The following DIS3L2 variants were observed in gnomAD, a reference collection of about 807,000 sequenced individuals.
DIS3L2 encodes DIS3 like 3'-5' exoribonuclease 2, also known as DIS3-like exonuclease 2.
Under a neutral mutation model 97.5 loss-of-function variants are expected in DIS3L2, and 34 were observed. The ratio of observed to expected loss-of-function variants is 0.35; its 90% confidence interval spans 0.27 to 0.46. The LOEUF is 0.46. Among genes scored for constraint, DIS3L2 ranks in the 20% least tolerant of loss-of-function variants. The pLI is 1.00. For missense variants in DIS3L2, 1,038 were observed against 1,146.0 expected, an observed-to-expected ratio of 0.91 and a Z score of 1.36; for synonymous variants, 435 against 445.2, an observed-to-expected ratio of 0.98 and a Z score of 0.29.
intron 9 of DIS3L2, among the ~76,000 whole-genome samples, chr2:232,203,828 G>A (rs1034062602): frequency 6.6e-6 from 1 of 152,198 alleles, no homozygotes; most frequent in South Asian, 2.1e-4. Context: ...TTGCAGGCAG[G>A]CCTTTAACTG....
At chr2:232,232,969 G>C (rs72994297) in intron 10 of DIS3L2, among the ~76,000 whole-genome samples, 1,852 of 152,248 alleles carry the variant, frequency 0.012, 17 homozygotes, top group Non-Finnish European at 0.017. Flanking sequence ...CACCCAGAGT[G>C]GGGCCCAGAG....
chr2:232,036,139 T>C (rs1694943189), intron 5 of DIS3L2, among the ~76,000 whole-genome samples: 1 of 152,226 alleles, frequency 6.6e-6, no homozygotes, highest in South Asian at 2.1e-4. Flanking sequence ...ATTCTCCCTG[T>C]CACTTTCAGG....
intron 5 of DIS3L2, among the ~76,000 whole-genome samples, chr2:232,052,292 G>A (rs1695432986): frequency 6.6e-6 from 1 of 152,102 alleles, no homozygotes. Flanking sequence ...CCAAAATGTT[G>A]GGATTACAGG....
At chr2:232,275,518 T>G (rs1400501320) in intron 13 of DIS3L2, among the ~76,000 whole-genome samples, 1 of 152,176 alleles carries the variant, frequency 6.6e-6, no homozygotes, top group Non-Finnish European at 1.5e-5. Context: ...GTGGTACTGC[T>G]CTTCCTCAAG....
At chr2:232,208,636 C>T (rs1488669247) in intron 9 of DIS3L2, among the ~76,000 whole-genome samples, 1 of 152,148 alleles carries the variant, frequency 6.6e-6, no homozygotes, top group Non-Finnish European at 1.5e-5. Context: ...GAGATTCATC[C>T]AGGCTGTTGC....
intron 5 of DIS3L2, among the ~76,000 whole-genome samples, chr2:232,076,016 C>T (rs1574855084): frequency 1.3e-5 from 2 of 152,298 alleles, no homozygotes; most frequent in African/African-American, 4.8e-5. Flanking sequence ...AGCCATGACT[C>T]AAGCCAGTTG....
chr2:232,211,260 T>G (rs1010960533), intron 10 of DIS3L2, among the ~76,000 whole-genome samples: 2 of 151,498 alleles, frequency 1.3e-5, no homozygotes, highest in Non-Finnish European at 2.9e-5. Context: ...TCTTCCCACC[T>G]CAGCCTCTCA....
intron 6 of DIS3L2, among the ~76,000 whole-genome samples, chr2:232,116,962 A>G (rs979967280): frequency 6.6e-6 from 1 of 152,154 alleles, no homozygotes; most frequent in African/African-American, 2.4e-5. Context: ...CCCTTGAACA[A>G]AAGTTCAGCT....
rs371607011 is a variant in DIS3L2, at chr2:232,164,464, T to C, written c.1124+832T>C. Among the ~76,000 whole-genome samples, 2 of 152,210 alleles carry C rather than the reference T, an allele frequency of 1.3e-5. 1 individual carries two copies. The highest frequency in any genetic ancestry group is 4.1e-4 in the South Asian group (2 of 4,828). On this transcript the variant is annotated intron_variant, in intron 9 of 20. Transcript: ENST00000325385. ...AACTTTTCATACAACCCACTGAGGC[T>C]GTGGAAGGTTTTTGCTAAGGTCATC...
rs182176681 is a variant in DIS3L2, at chr2:232,309,680, C to A, written c.1739+9561C>A. On this transcript the variant is annotated intron_variant, in intron 14 of 20. Coordinates refer to ENST00000325385, the MANE Select transcript of DIS3L2 (RefSeq NM_152383.5). ...TTAAGGTTCACTGACGGAAAGTCCTCAAGCCAAAGCCAAAGCCAAAGCCAA... is the reference window on the plus strand; with the variant it reads ...TTAAGGTTCACTGACGGAAAGTCCTAAAGCCAAAGCCAAAGCCAAAGCCAA... Among the ~76,000 whole-genome samples the A allele has an allele frequency of 7.2e-5, 11 of 152,276 alleles. No homozygotes were observed. In the East Asian group the frequency reaches 2.1e-3, roughly 29 times the overall value.
intron 14 of DIS3L2, among the ~76,000 whole-genome samples, chr2:232,306,666 G>T (rs1025973707): frequency 6.6e-6 from 1 of 152,202 alleles, no homozygotes; most frequent in Non-Finnish European, 1.5e-5. Context: ...CAAATGTATA[G>T]AGAATATCTG....
chr2:232,043,589 T>C (rs1379752162), intron 5 of DIS3L2, among the ~76,000 whole-genome samples: 2 of 152,200 alleles, frequency 1.3e-5, no homozygotes, highest in Non-Finnish European at 2.9e-5. Context: ...CTACTGAAAG[T>C]AGAATTCAGA....
chr2:232,143,309 A>G (rs1169981254), intron 8 of DIS3L2, among the ~76,000 whole-genome samples: 1 of 152,124 alleles, frequency 6.6e-6, no homozygotes, highest in Non-Finnish European at 1.5e-5. Context: ...GAAGTTGGGA[A>G]TATTGTTGCA....
intron 14 of DIS3L2, among the ~76,000 whole-genome samples, chr2:232,309,784 T>A (rs534443069): frequency 2.0e-5 from 3 of 152,198 alleles, no homozygotes; most frequent in Non-Finnish European, 4.4e-5. Flanking sequence ...ACAGGAAGTG[T>A]GACTTCAGGG....
intron 11 of DIS3L2, among the ~76,000 whole-genome samples, chr2:232,238,895 A>T (rs1424596755): frequency 1.3e-5 from 2 of 152,228 alleles, no homozygotes; most frequent in African/African-American, 4.8e-5. Context: ...CGGCAAACTC[A>T]GCCCACACTA....
At chr2:232,338,289 C>T (rs1696028151), downstream of DIS3L2, among the ~76,000 whole-genome samples, 2 of 152,140 alleles carry the variant, frequency 1.3e-5, no homozygotes, top group Non-Finnish European at 2.9e-5. Flanking sequence ...GCTGTTCCCT[C>T]ACAGGCAGCA....
chr2:232,202,990 A>G (rs1691938086), intron 9 of DIS3L2, among the ~76,000 whole-genome samples: 1 of 152,226 alleles, frequency 6.6e-6, no homozygotes, highest in Non-Finnish European at 1.5e-5. Flanking sequence ...ATCTGATTGT[A>G]CTGGAATGTC....
At chr2:232,336,247 G>A (rs1575029694) in intron 20 of DIS3L2, 1 of 1,543,200 alleles carries the variant, frequency 6.5e-7, no homozygotes. Context: ...CCCTCAGGTT[G>A]TGTTTCATAA....
At position 232,268,413 on chromosome 2, in the gene DIS3L2, T is replaced by C. The variant is rs1246410587; in HGVS notation, c.1659+4973T>C. Among the ~76,000 whole-genome samples, 1 of 152,180 alleles carries C rather than the reference T, an allele frequency of 6.6e-6. No individual in the cohort carries two copies. The highest frequency in any genetic ancestry group is 1.5e-5 in the Non-Finnish European group (1 of 68,032). The stretch of plus-strand genomic sequence containing the variant: ...TGCTGTTATGTATGACCTTGACCTG[T>C]TCCAGCCTTTAAGGCAGGGATTGAC... On this transcript the variant is annotated intron_variant, in intron 13 of 20. Transcript: ENST00000325385. This position sits in a 1 kb window ranked among gnomAD's most constrained non-coding sequence, Gnocchi z 4.1.
Sources: allele counts gnomAD v4.1 joint callset (sites outside exome capture counted in the v4.1 genomes callset), GRCh38; gene constraint gnomAD v4.1.1; non-coding constraint Gnocchi (gnomAD v3.1); transcripts MANE v1.5; gene names NCBI Gene and HGNC (gene_info 2026-07-23, HGNC 2026-07-21).